STK31: variants seen among roughly 807,000 people sequenced by gnomAD.
STK31 encodes serine/threonine kinase 31.
In STK31, 89 loss-of-function variants were observed where a neutral mutation model predicts 129.7. The observed-to-expected ratio is 0.69, with a 90% confidence interval of 0.58 to 0.82. The LOEUF (loss-of-function observed/expected upper bound fraction) is 0.82. Among genes scored for constraint, STK31 ranks in the 40% least tolerant of loss-of-function variants. STK31 has a pLI of 0.00. For synonymous variants in STK31, 448 were observed against 395.3 expected (o/e 1.13, Z -1.58); for missense variants, 1,187 against 1,176.4 (o/e 1.01, Z -0.13).
At chr7:23,756,353 T>G (rs939243449) in intron 10 of STK31, among the ~76,000 whole-genome samples, 5 of 152,226 alleles carry the variant, frequency 3.3e-5, no homozygotes, top group Admixed American at 3.3e-4. Context: ...TTTTGTATCC[T>G]GAGACTTTGC....
chr7:23,810,768 TA>T (rs1430116209), intron 22 of STK31, among the ~76,000 whole-genome samples: 1 of 106,710 alleles, frequency 9.4e-6, no homozygotes, highest in African/African-American at 4.9e-5. Context: ...ATATAATATA[TA>T]AATATATATT....
chr7:23,805,742 G>A (rs895083900), intron 22 of STK31, among the ~76,000 whole-genome samples: 1 of 151,952 alleles, frequency 6.6e-6, no homozygotes, highest in Non-Finnish European at 1.5e-5. Flanking sequence ...ACCTTTGTCT[G>A]CCAACATGGT....
chr7:23,778,454 C>T (rs1282056138), intron 15 of STK31, among the ~76,000 whole-genome samples: 1 of 152,186 alleles, frequency 6.6e-6, no homozygotes, highest in East Asian at 1.9e-4. Flanking sequence ...TCCCTTTTCC[C>T]TGTCACTTTC....
At chr7:23,730,878 A>ATATATATATTTTTTTTTTTTTTTTT in intron 6 of STK31, among the ~76,000 whole-genome samples, 1 of 59,554 alleles carries the variant, frequency 1.7e-5, no homozygotes, top group Non-Finnish European at 3.3e-5. Flanking sequence ...ATATATATAT[A>ATATATATATTTTTTTTTTTTTTTTT]TTTTTTTTTT....
chr7:23,823,816 G>A (rs1024090789), intron 23 of STK31, among the ~76,000 whole-genome samples: 2 of 152,146 alleles, frequency 1.3e-5, no homozygotes, highest in South Asian at 2.1e-4. Flanking sequence ...TTCTATATAC[G>A]GCTAGCCAGT....
chr7:23,803,696 A>C (rs113949653), intron 22 of STK31, among the ~76,000 whole-genome samples: 10,619 of 152,242 alleles, frequency 0.07, 390 homozygotes, highest in East Asian at 0.13. Context: ...TACTAAGCCT[A>C]GTACCCAATA....
chr7:23,744,692 A>G (rs1198191121), intron 8 of STK31, among the ~76,000 whole-genome samples: 2 of 152,114 alleles, frequency 1.3e-5, no homozygotes, highest in African/African-American at 2.4e-5. Flanking sequence ...TAGTCTTTGT[A>G]TGATTCCTTT....
intron 6 of STK31, among the ~76,000 whole-genome samples, chr7:23,731,129 CT>C (rs1297966221): frequency 2.0e-5 from 3 of 151,410 alleles, no homozygotes; most frequent in South Asian, 2.1e-4. Context: ...AGAGATCCCC[CT>C]GTCTCTGCCT....
intron 23 of STK31, among the ~76,000 whole-genome samples, chr7:23,826,665 T>C (rs1000780838): frequency 2.0e-5 from 3 of 152,166 alleles, no homozygotes; most frequent in Admixed American, 6.6e-5. Flanking sequence ...TTATTTTGCT[T>C]GTTAGTTGAT....
chr7:23,711,769 ATAT>A (rs1395456881), intron 1 of STK31, among the ~76,000 whole-genome samples: 1 of 152,134 alleles, frequency 6.6e-6, no homozygotes. Context: ...TTATGGGAGG[ATAT>A]TTTCTAAAAA....
At chr7:23,810,674 T>C (rs1793041390) in intron 22 of STK31, among the ~76,000 whole-genome samples, 1 of 130,454 alleles carries the variant, frequency 7.7e-6, no homozygotes, top group Non-Finnish European at 1.6e-5. Flanking sequence ...ATATAATATA[T>C]ATAAAATAGA....
In STK31 at chr7:23,710,344, T is replaced by C; in HGVS notation, c.50+9T>C. The stretch of plus-strand genomic sequence containing the variant: ...GCAACGGAAAGTGTGAGGTCAGTAG[T>C]AGTTTTTGTGGTACGTGCAGTGGTG... On this transcript the variant is annotated intron_variant, in intron 1 of 23. Transcript: ENST00000355870. 1 of 1,613,470 alleles carries C rather than the reference T, an allele frequency of 6.2e-7. No homozygotes were observed. The highest frequency in any genetic ancestry group is 8.5e-7 in the Non-Finnish European group (1 of 1,179,916).
At chr7:23,747,807 T>G (rs1300598599) in intron 8 of STK31, among the ~76,000 whole-genome samples, 2 of 152,226 alleles carry the variant, frequency 1.3e-5, no homozygotes, top group Non-Finnish European at 2.9e-5. Context: ...TCTGTACTGA[T>G]GCCCTCTCTT....
At chr7:23,734,428 A>G (rs1787601596) in intron 6 of STK31, among the ~76,000 whole-genome samples, 2 of 152,248 alleles carry the variant, frequency 1.3e-5, no homozygotes, top group African/African-American at 4.8e-5. Context: ...AACCTAGAGA[A>G]ATTTGGGAAG....
At chr7:23,713,994 C>T (rs1786142947) in intron 3 of STK31, among the ~76,000 whole-genome samples, 1 of 152,058 alleles carries the variant, frequency 6.6e-6, no homozygotes, top group South Asian at 2.1e-4. Flanking sequence ...ACCAGCATCA[C>T]CACAAATATG....
intron 10 of STK31, among the ~76,000 whole-genome samples, chr7:23,758,146 A>G (rs1450928281): frequency 6.6e-6 from 1 of 152,196 alleles, no homozygotes; most frequent in Non-Finnish European, 1.5e-5. Context: ...GCATTGACAC[A>G]GTAACAGTCT....
upstream of STK31, chr7:23,710,173 G>A (rs1399160307): frequency 1.3e-6 from 2 of 1,577,890 alleles, no homozygotes; most frequent in Admixed American, 1.8e-5. Flanking sequence ...CGCTAACACC[G>A]GATGATGGCG....
At chr7:23,727,834 A>C (rs1416408080) in intron 5 of STK31, among the ~76,000 whole-genome samples, 1 of 151,940 alleles carries the variant, frequency 6.6e-6, no homozygotes, top group Non-Finnish European at 1.5e-5. Flanking sequence ...TGCTGGGATT[A>C]CAGGAGTGAG....
chr7:23,795,125 C>T (rs921832842), intron 22 of STK31, among the ~76,000 whole-genome samples: 5 of 152,196 alleles, frequency 3.3e-5, no homozygotes, highest in Non-Finnish European at 7.3e-5. Flanking sequence ...AGCTTCGCAG[C>T]AGCCCTTCCC....
Sources: gnomAD v4.1 joint callset for allele counts (sites outside exome capture counted in the v4.1 genomes callset) on GRCh38, gnomAD v4.1.1 for gene constraint, MANE v1.5 for transcripts, NCBI Gene and HGNC (gene_info 2026-07-23, HGNC 2026-07-21) for gene names.